Variants in THRB observed in about 807,000 individuals in gnomAD.
The protein encoded by THRB is nuclear receptor subfamily 1 group A member 2.
A neutral mutation model predicts 47.8 loss-of-function variants in THRB; 12 were observed. That is an observed-to-expected ratio of 0.25 (90% CI 0.16 to 0.41). The LOEUF (loss-of-function observed/expected upper bound fraction) is 0.41. THRB is among the 10% of genes least tolerant of loss of function. The probability of loss-of-function intolerance (pLI) is 1.00; values close to 1 mark genes in which losing one functional copy is unlikely to be tolerated. For missense variants in THRB, 348 were observed against 589.2 expected (o/e 0.59, Z 4.24); for synonymous variants, 218 against 212.2 (o/e 1.03, Z -0.24).
At chr3:24,228,551 G>C (rs1286661344) in intron 4 of THRB, among the ~76,000 whole-genome samples, 1 of 150,010 alleles carries the variant, frequency 6.7e-6, no homozygotes, top group Admixed American at 6.7e-5. Flanking sequence ...AGAATCACTT[G>C]AGCCCTGGGA....
intron 4 of THRB, among the ~76,000 whole-genome samples, chr3:24,225,783 C>G (rs2047594717): frequency 6.6e-6 from 1 of 152,180 alleles, no homozygotes; most frequent in South Asian, 2.1e-4. Flanking sequence ...TGCTTAATTC[C>G]AGACAGATAA....
At chr3:24,276,929 C>A (rs2053978186) in intron 3 of THRB, among the ~76,000 whole-genome samples, 2 of 152,094 alleles carry the variant, frequency 1.3e-5, no homozygotes, top group African/African-American at 4.8e-5. Flanking sequence ...TAAATGTATA[C>A]CATTTATAAA....
At chr3:24,180,880 C>T (rs559967595) in intron 5 of THRB, among the ~76,000 whole-genome samples, 1 of 152,152 alleles carries the variant, frequency 6.6e-6, no homozygotes, top group African/African-American at 2.4e-5. Flanking sequence ...CGCTGCATCT[C>T]CAGGAGTACT....
At chr3:24,392,699 C>T (rs540108529) in intron 1 of THRB, among the ~76,000 whole-genome samples, 15 of 152,190 alleles carry the variant, frequency 9.9e-5, no homozygotes, top group African/African-American at 3.4e-4. Context: ...TAACTGACTG[C>T]ATTTCAAAAT....
intron 3 of THRB, among the ~76,000 whole-genome samples, chr3:24,250,214 C>A (rs1208853715): frequency 1.3e-5 from 2 of 152,188 alleles, no homozygotes; most frequent in African/African-American, 4.8e-5. Context: ...TCTTGCCTAA[C>A]CCTCAGGTAT....
intron 1 of THRB, among the ~76,000 whole-genome samples, chr3:24,346,821 A>G (rs972349945): frequency 5.4e-4 from 82 of 152,076 alleles, no homozygotes; most frequent in Non-Finnish European, 2.9e-4. Context: ...AAAATCCACA[A>G]TTAATGTGGG....
At chr3:24,423,422 T>C (rs937557581) in intron 1 of THRB, among the ~76,000 whole-genome samples, 1 of 146,664 alleles carries the variant, frequency 6.8e-6, no homozygotes, top group Non-Finnish European at 1.5e-5. Context: ...AGCACTGAGA[T>C]TTTTTTTTTT....
chr3:24,188,791 A>C (rs2042940311), intron 5 of THRB, among the ~76,000 whole-genome samples: 1 of 142,696 alleles, frequency 7.0e-6, no homozygotes, highest in Non-Finnish European at 1.5e-5. Flanking sequence ...CTACATCCTG[A>C]CTCCTTTGAA....
At chr3:24,292,164 A>C (rs895223569) in intron 3 of THRB, among the ~76,000 whole-genome samples, 12 of 152,220 alleles carry the variant, frequency 7.9e-5, no homozygotes, top group African/African-American at 2.9e-4. Flanking sequence ...ACATGTTTGT[A>C]CTATGTCTGC....
intron 5 of THRB, among the ~76,000 whole-genome samples, chr3:24,189,002 C>T (rs2043000872): frequency 1.3e-5 from 2 of 151,438 alleles, no homozygotes; most frequent in Non-Finnish European, 2.9e-5. Context: ...CTATTTCCAA[C>T]TGAAACACTC....
chr3:24,288,724 C>A (rs2055600886), intron 3 of THRB, among the ~76,000 whole-genome samples: 1 of 152,086 alleles, frequency 6.6e-6, no homozygotes. Context: ...AACTATGGGT[C>A]CCAACACATA....
chr3:24,269,734 C>G (rs929116999), intron 3 of THRB, among the ~76,000 whole-genome samples: 3 of 151,994 alleles, frequency 2.0e-5, no homozygotes, highest in Admixed American at 2.0e-4. Flanking sequence ...CAGTACCCAG[C>G]CTTAAGTTAT....
intron 2 of THRB, among the ~76,000 whole-genome samples, chr3:24,314,530 C>T (rs553397991): frequency 6.6e-6 from 1 of 152,126 alleles, no homozygotes; most frequent in East Asian, 1.9e-4. Context: ...TTTTAAATAA[C>T]ATCAAACTGC....
intron 3 of THRB, among the ~76,000 whole-genome samples, chr3:24,273,139 C>T (rs2053529631): frequency 1.3e-5 from 2 of 152,094 alleles, no homozygotes; most frequent in South Asian, 4.1e-4. Context: ...AACACACACA[C>T]ACACACACCC....
intron 3 of THRB, among the ~76,000 whole-genome samples, chr3:24,249,956 T>C (rs1358204492): frequency 2.9e-4 from 44 of 152,210 alleles, no homozygotes; most frequent in Admixed American, 2.9e-3. Flanking sequence ...GTCTTCACCA[T>C]TACTTTTAAT....
At chr3:24,210,410 G>GTT (rs1018857127) in intron 4 of THRB, among the ~76,000 whole-genome samples, 52 of 141,576 alleles carry the variant, frequency 3.7e-4, no homozygotes, top group Middle Eastern at 3.6e-3. Flanking sequence ...TTATTTGTTT[G>GTT]TTTTTTTTTT....
At chr3:24,423,884 C>A (rs2069506710) in intron 1 of THRB, among the ~76,000 whole-genome samples, 1 of 151,810 alleles carries the variant, frequency 6.6e-6, no homozygotes, top group Non-Finnish European at 1.5e-5. Context: ...TCTGTTCCAA[C>A]CCAGCAGAAG....
Position 24,173,568 on chromosome 3 carries a change from G to A in THRB, c.283+16506C>T, listed in dbSNP as rs536890578. ...CTTTGGACATAATACTATCACAACA[G>A]CACAAGCTCTCTGCTTCCACCCAAC... On this transcript the variant is annotated intron_variant, in intron 5 of 10. Transcript: ENST00000646209. 3.3e-5 allele frequency among the ~76,000 whole-genome samples: 5 copies of A among 152,238 alleles called. No homozygotes were observed. The South Asian group carries it at 1.0e-3, about 32-fold the overall frequency.
chr3:24,431,221 C>T (rs1050296656), intron 1 of THRB: 1 of 150,622 alleles, frequency 6.6e-6, no homozygotes, highest in Admixed American at 6.7e-5. Flanking sequence ...CTTTGCAACA[C>T]CTAAAAATGA....
Sources: allele counts gnomAD v4.1 joint callset (sites outside exome capture counted in the v4.1 genomes callset), GRCh38; gene constraint gnomAD v4.1.1; transcripts MANE v1.5; gene names NCBI Gene and HGNC (gene_info 2026-07-23, HGNC 2026-07-21).